Variants in CDH11 observed in about 807,000 individuals in gnomAD.
CDH11 encodes cadherin-11.
A neutral mutation model predicts 67.8 loss-of-function variants in CDH11; 11 were observed. The ratio of observed to expected loss-of-function variants is 0.16; its 90% CI spans 0.10 to 0.27. CDH11 has a LOEUF of 0.27. CDH11 is among the 10% of genes least tolerant of loss of function. The probability of loss-of-function intolerance (pLI) is 1.00; values close to 1 mark genes in which losing one functional copy is unlikely to be tolerated. For synonymous variants in CDH11, 419 were observed against 400.0 expected, an observed-to-expected ratio of 1.05 and a Z score of -0.57; for missense variants, 847 against 1,031.2, an observed-to-expected ratio of 0.82 and a Z score of 2.45.
At chr16:65,097,986 G>A (rs2074928588) in intron 1 of CDH11, among the ~76,000 whole-genome samples, 1 of 152,112 alleles carries the variant, frequency 6.6e-6, no homozygotes, top group African/African-American at 2.4e-5. Context: ...ACTCAGCCTA[G>A]GATTGCTTAG....
chr16:65,111,732 G>A (rs1392219718), intron 1 of CDH11, among the ~76,000 whole-genome samples: 2 of 150,244 alleles, frequency 1.3e-5, no homozygotes, highest in Admixed American at 6.7e-5. Flanking sequence ...GTTCAATCTG[G>A]AGATTTTAAG....
Position 64,946,743 on chromosome 16 carries a change from T to C in CDH11, c.*860A>G, listed in dbSNP as rs1345080932. On this transcript the variant is annotated 3_prime_UTR_variant, in exon 13 of 13. Coordinates refer to ENST00000268603, the MANE Select transcript of CDH11 (RefSeq NM_001797.4). ...AATATAAATGGATCATTAGAAATAC[T>C]TAACGTTTGTTTCAATGTTAAGAAT... 1.1e-6 allele frequency: 1 copy of C among 907,574 alleles called. No homozygotes were observed. Among genetic ancestry groups the C allele is most frequent in the Non-Finnish European group, 1.3e-6 (1 of 747,722 alleles). The allele number at this position is 907,574 out of a possible 1,614,324, so 56.2% of individuals were successfully genotyped here.
intron 9 of CDH11, 132 bp downstream of exon 9, chr16:64,972,772 A>G: frequency 3.5e-6 from 3 of 852,146 alleles, no homozygotes; most frequent in Non-Finnish European, 5.5e-6. Context: ...CCGAAAACAC[A>G]TTTTAAAGAC....
Position 64,998,686 on chromosome 16 carries a change from C to T in CDH11, c.399G>A (p.Arg133=), listed in dbSNP as rs1244922636. ...QYTLMAQAVD[R]DTNRPLEPPS... ...GTGGCTCCAGTGGCCGATTGGTGTC[C>T]CTGTCCACCGCCTGAGCCATCAACG... is the stretch of plus-strand genomic sequence containing the variant. Residue 133 remains arginine, a synonymous_variant, in exon 4 of 13, where the codon AGG becomes AGA. Coordinates refer to ENST00000268603, the MANE Select transcript of CDH11 (RefSeq NM_001797.4). The T allele has an allele frequency of 2.5e-6, 4 of 1,614,024 alleles. No individual in the cohort carries two copies. The highest frequency in any genetic ancestry group is 3.4e-6 in the Non-Finnish European group (4 of 1,180,008).
At chr16:65,050,670 C>T (rs543409329) in intron 2 of CDH11, among the ~76,000 whole-genome samples, 1 of 152,220 alleles carries the variant, frequency 6.6e-6, no homozygotes, top group South Asian at 2.1e-4. Flanking sequence ...TGCATTCCTG[C>T]TGTTTTATGT....
At chr16:64,974,306 T>G (rs1597037503) in intron 8 of CDH11, among the ~76,000 whole-genome samples, 1 of 152,170 alleles carries the variant, frequency 6.6e-6, no homozygotes, top group East Asian at 1.9e-4. Context: ...TTTTCTGCTC[T>G]TAGAGGTCTA....
chr16:65,008,005 C>A (rs1426849037), intron 2 of CDH11, among the ~76,000 whole-genome samples: 1 of 152,156 alleles, frequency 6.6e-6, no homozygotes, highest in African/African-American at 2.4e-5. Context: ...CCATCTTGCA[C>A]CATGCCAAGT....
intron 2 of CDH11, among the ~76,000 whole-genome samples, chr16:65,035,078 G>C (rs945748344): frequency 6.6e-6 from 1 of 152,186 alleles, no homozygotes; most frequent in African/African-American, 2.4e-5. Context: ...GGAGCTGCAC[G>C]GGCAGTGACG....
rs142401883 is a variant in CDH11, at chr16:65,111,063, T to C, written c.-298+10817A>G. ...TTTGTTCTGTTTTTATAAGGCAAGGTTGGAACTGAGGAAACCAACCCATAG... is the reference window on the plus strand; with the variant it reads ...TTTGTTCTGTTTTTATAAGGCAAGGCTGGAACTGAGGAAACCAACCCATAG... On this transcript the variant is annotated intron_variant, in intron 1 of 12. Transcript: ENST00000268603. Among the ~76,000 whole-genome samples, 742 of 152,142 alleles carry C rather than the reference T, an allele frequency of 4.9e-3. 5 individuals carry two copies. Among genetic ancestry groups the C allele is most frequent in the African/African-American group, 0.017 (716 of 41,500 alleles).
At chr16:64,954,948 TAA>T (rs71143536) in intron 11 of CDH11, among the ~76,000 whole-genome samples, 57 of 121,352 alleles carry the variant, frequency 4.7e-4, no homozygotes, top group South Asian at 7.5e-4. Context: ...TACTAAAAAA[TAA>T]AAAAAAAAAA....
rs1286903869 is a variant in CDH11, at chr16:64,949,964, G to T, written c.1894+803C>A. 2.0e-5 allele frequency among the ~76,000 whole-genome samples: 3 copies of T among 152,268 alleles called. No individual in the cohort carries two copies. The East Asian group carries it at 5.8e-4, about 30-fold the overall frequency. ...CACTGGCTTTTTCCTATGGAGTAAA[G>T]CTCCATGAATTCATTCGAGGTAGGA... On this transcript the variant is annotated intron_variant, in intron 12 of 12. Coordinates refer to ENST00000268603, the MANE Select transcript of CDH11 (RefSeq NM_001797.4).
chr16:64,986,259 A>T (rs1312004613), intron 7 of CDH11: 1 of 144,064 alleles, frequency 6.9e-6, no homozygotes, highest in Non-Finnish European at 1.6e-5. Context: ...TACAAATGCA[A>T]TAACATCTTA....
At chr16:65,012,265 G>A (rs1300342350) in intron 2 of CDH11, among the ~76,000 whole-genome samples, 1 of 152,198 alleles carries the variant, frequency 6.6e-6, no homozygotes, top group African/African-American at 2.4e-5. Context: ...AATGCCTGGA[G>A]CTTCCATTCC....
At position 64,947,323 on chromosome 16, in the gene CDH11, G is replaced by C. The variant is rs1056429736; in HGVS notation, c.*280C>G. The C allele has an allele frequency of 8.2e-7, 1 of 1,216,624 alleles. No homozygotes were observed. Among genetic ancestry groups the C allele is most frequent in the Admixed American group, 4.1e-5 (1 of 24,634 alleles). The allele number at this position is 1,216,624 out of a possible 1,614,324, so 75.4% of individuals were successfully genotyped here. On this transcript the variant is annotated 3_prime_UTR_variant, in exon 13 of 13. Coordinates refer to ENST00000268603, the MANE Select transcript of CDH11 (RefSeq NM_001797.4). The stretch of plus-strand genomic sequence containing the variant: ...AATTTCCCTTCATTGTCAGTTCAGC[G>C]TTAGACTTCTCCTTCACTTAAATAT...
intron 4 of CDH11, among the ~76,000 whole-genome samples, chr16:64,996,762 C>G (rs2072777876): frequency 6.6e-6 from 1 of 152,108 alleles, no homozygotes; most frequent in African/African-American, 2.4e-5. Context: ...AGCTGGAGGC[C>G]ATTATCCTGA....
intron 2 of CDH11, among the ~76,000 whole-genome samples, chr16:65,042,079 T>A (rs1482597326): frequency 6.6e-6 from 1 of 152,202 alleles, no homozygotes; most frequent in Admixed American, 6.5e-5. Flanking sequence ...TGCTTAATAA[T>A]TGGCTATTGG....
Position 64,967,477 on chromosome 16 carries a change from T to C in CDH11, c.1642+4102A>G, listed in dbSNP as rs141155007. On this transcript the variant is annotated intron_variant, in intron 11 of 12. Transcript: ENST00000268603. ...TCAGGCAATCCATCTGCCTCAGCCT[T>C]CCAAAACACTATAGGAATTTATCCT... Among the ~76,000 whole-genome samples, 342 of 152,246 alleles carry C rather than the reference T, an allele frequency of 2.2e-3. 3 individuals are homozygous for C. Among genetic ancestry groups the C allele is most frequent in the African/African-American group, 7.6e-3 (314 of 41,536 alleles).
intron 1 of CDH11, among the ~76,000 whole-genome samples, chr16:65,076,252 C>T (rs1441743715): frequency 6.6e-6 from 1 of 152,232 alleles, no homozygotes; most frequent in Admixed American, 6.5e-5. Context: ...CCCACAAACT[C>T]CTCTTCCAAT....
At chr16:65,035,718 T>C (rs1192921785) in intron 2 of CDH11, among the ~76,000 whole-genome samples, 5 of 152,190 alleles carry the variant, frequency 3.3e-5, no homozygotes, top group Admixed American at 2.6e-4. Context: ...CATTAGCTCA[T>C]TTTACACATC....
Sources: gnomAD v4.1 joint callset for allele counts (sites outside exome capture counted in the v4.1 genomes callset) on GRCh38, gnomAD v4.1.1 for gene constraint, MANE v1.5 for transcripts, NCBI Gene and HGNC (gene_info 2026-07-23, HGNC 2026-07-21) for gene names.